Variants in PTPN14 observed in about 807,000 individuals in gnomAD.
PTPN14 encodes the protein protein tyrosine phosphatase non-receptor type 14.
PTPN14 carries 53 observed loss-of-function variants against 126.8 expected under a neutral mutation model. The observed-to-expected ratio is 0.42, with a 90% CI of 0.34 to 0.53. The LOEUF is 0.53. PTPN14 is among the 20% of genes least tolerant of loss of function. The pLI is 0.08. For missense variants in PTPN14, 1,257 were observed against 1,552.9 expected (o/e 0.81, Z 3.20); for synonymous variants, 630 against 599.3 (o/e 1.05, Z -0.75).
At chr1:214,469,289 T>C (rs1660703622) in intron 1 of PTPN14, among the ~76,000 whole-genome samples, 1 of 152,222 alleles carries the variant, frequency 6.6e-6, no homozygotes, top group African/African-American at 2.4e-5. Context: ...TTCCATCTTT[T>C]AGCCATTCAC....
At position 214,377,988 on chromosome 1, in the gene PTPN14, C is replaced by G. The variant is rs772445868; in HGVS notation, c.2659G>C (p.Asp887His). The G allele has an allele frequency of 4.3e-6, 7 of 1,613,336 alleles. No individual in the cohort carries two copies. Among genetic ancestry groups the G allele is most frequent in the East Asian group, 2.2e-5 (1 of 44,842 alleles). The change falls in exon 14 of 19, where the codon GAT becomes CAT. Residue 887 changes from aspartate to histidine, a missense_variant. By Grantham distance (81) the Asp-to-His change is moderately conservative. Around this residue, in one of 3 missense-constraint regions of PTPN14, gnomAD observed 1,021 missense variants for 1,183.3 expected, o/e 0.86. Coordinates refer to ENST00000366956, the MANE Select transcript of PTPN14 (RefSeq NM_005401.5). ...TCGTCCATGGGAACCCGGGTGGCAT[C>G]AACTCGATTCTCTTCCCGCCCTGAG... Reference protein sequence around the residue: ...RVSGREENRVDATRVPMDERF... With the variant: ...RVSGREENRVHATRVPMDERF...
intron 12 of PTPN14, among the ~76,000 whole-genome samples, chr1:214,385,383 C>T (rs1658584370): frequency 1.3e-5 from 2 of 152,070 alleles, no homozygotes; most frequent in African/African-American, 4.8e-5. Flanking sequence ...TTGGTAATTC[C>T]CCAAATCCCC....
intron 1 of PTPN14, among the ~76,000 whole-genome samples, chr1:214,500,763 A>G (rs1190619932): frequency 6.6e-6 from 1 of 152,152 alleles, no homozygotes; most frequent in African/African-American, 2.4e-5. Context: ...AAAAAAAATT[A>G]TTGAAAGAAA....
intron 11 of PTPN14, among the ~76,000 whole-genome samples, chr1:214,387,574 G>C (rs1187896149): frequency 6.6e-6 from 1 of 151,692 alleles, no homozygotes; most frequent in Non-Finnish European, 1.5e-5. Context: ...AGCTACTTGG[G>C]AGGCTGAGGC....
intron 10 of PTPN14, 71 bp from the exon 11 acceptor site, chr1:214,391,116 G>T: frequency 8.3e-7 from 1 of 1,206,310 alleles, no homozygotes; most frequent in Non-Finnish European, 1.1e-6. Context: ...GACAAGGGAA[G>T]GAGAGGAAGA....
At chr1:214,376,532 A>G (rs1045184804) in intron 14 of PTPN14, 95 bp from the exon 15 acceptor site, 1 of 1,074,666 alleles carries the variant, frequency 9.3e-7, no homozygotes, top group African/African-American at 1.6e-5. Flanking sequence ...GATTGTGTTA[A>G]AAGAGATTTC....
Position 214,402,903 on chromosome 1 carries a change from G to C in PTPN14, c.561C>G (p.Ala187=), listed in dbSNP as rs761526995. ...AVLEELTQKV[A]QEHKAHSGIL... ...CTTACCTGTGGGCTTTGTGTTCTTG[G>C]GCTACCTTCTGGGTCAGCTCCTCCA... The change falls in exon 6 of 19, where the codon GCC becomes GCG. Residue 187 remains alanine (A), a synonymous_variant. Transcript: ENST00000366956. 1 of 1,613,822 alleles carries C rather than the reference G, an allele frequency of 6.2e-7. No homozygotes were observed. The highest frequency in any genetic ancestry group is 1.7e-5 in the Admixed American group (1 of 59,974).
chr1:214,412,865 T>A (rs535458326), intron 4 of PTPN14, among the ~76,000 whole-genome samples: 1 of 152,156 alleles, frequency 6.6e-6, no homozygotes, highest in East Asian at 1.9e-4. Context: ...ACAAAGCTTT[T>A]TATTTATTTA....
At position 214,402,669 on chromosome 1, in the gene PTPN14, GGA is replaced by G. The variant is rs1340567172; in HGVS notation, c.581+212_581+213del. 1.7e-4 allele frequency among the ~76,000 whole-genome samples: 24 copies of G among 140,488 alleles called. 2 individuals are homozygous for G. The highest frequency in any genetic ancestry group is 3.5e-3 in the Middle Eastern group (1 of 284). 92.2% of individuals were successfully genotyped at this position (140,488 alleles called of 152,430 possible). ...AGGAAGGAAGGAAGGAAGGAAGGAAGGAAGGAAGGGAGGGAGGGAAGGAAGGA... is the reference window on the plus strand; with the variant it reads ...AGGAAGGAAGGAAGGAAGGAAGGAAGAGGAAGGGAGGGAGGGAAGGAAGGA... On this transcript the variant is annotated intron_variant, in intron 6 of 18. Coordinates refer to ENST00000366956, the MANE Select transcript of PTPN14 (RefSeq NM_005401.5).
At chr1:214,436,448 G>A (rs556118901) in intron 3 of PTPN14, among the ~76,000 whole-genome samples, 1 of 152,302 alleles carries the variant, frequency 6.6e-6, no homozygotes, top group South Asian at 2.1e-4. Context: ...CCAACTTGTG[G>A]TGGATAAAAT....
At chr1:214,504,684 G>A (rs1481131853) in intron 1 of PTPN14, among the ~76,000 whole-genome samples, 1 of 152,164 alleles carries the variant, frequency 6.6e-6, no homozygotes, top group African/African-American at 2.4e-5. Flanking sequence ...AGGCCCTGGG[G>A]AAATGATGGT....
chr1:214,432,672 A>C (rs1439489670), intron 3 of PTPN14, among the ~76,000 whole-genome samples: 1 of 152,240 alleles, frequency 6.6e-6, no homozygotes, highest in Non-Finnish European at 1.5e-5. Flanking sequence ...GATGACTCAC[A>C]AAATGTTGAT....
At chr1:214,393,597 A>C in intron 10 of PTPN14, 98 bp downstream of exon 10, 1 of 1,003,396 alleles carries the variant, frequency 1.0e-6, no homozygotes, top group Non-Finnish European at 1.5e-6. Context: ...GGAACAAGGA[A>C]AAAGAGTGAA....
rs779619035 is a variant in PTPN14 at position 214,509,396 on chromosome 1, C to A, written c.-155+41787G>T. Among the ~76,000 whole-genome samples, 9 of 152,328 alleles carry A rather than the reference C, an allele frequency of 5.9e-5. 1 individual carries two copies. In the South Asian group the frequency reaches 6.2e-4, roughly 11 times the overall value. ...TCTGCTAGCTCCAGCTTTTCTTCTG[C>A]AGCTTCCTCACCTCTCTCAGTCTTC... On this transcript the variant is annotated intron_variant, in intron 1 of 18. Transcript: ENST00000366956.
At chr1:214,433,379 G>T (rs1360591268) in intron 3 of PTPN14, among the ~76,000 whole-genome samples, 2 of 151,920 alleles carry the variant, frequency 1.3e-5, no homozygotes, top group Admixed American at 1.3e-4. Context: ...GGAAGTGGGG[G>T]GCTCTGGTGA....
Position 214,464,733 on chromosome 1 carries a change from C to T in PTPN14, c.71G>A (p.Arg24Gln), listed in dbSNP as rs201332095. 9.9e-6 allele frequency: 16 copies of T among 1,614,160 alleles called. No homozygotes were observed. The highest frequency in any genetic ancestry group is 3.3e-4 in the Middle Eastern group (2 of 6,084). The stretch of plus-strand genomic sequence containing the variant: ...AACATTGCTGTCCAGCAGGCGAATC[C>T]GTGTGACAAAGCAGTTCTTGCTCAG... The part of the protein sequence containing the change: ...NVLSKNCFVT[R>Q]IRLLDSNVIE... Residue 24 changes from arginine (R) to glutamine (Q), a missense_variant, in exon 2 of 19, where the codon CGG (arginine) becomes CAG (glutamine). By Grantham distance (43) the Arg-to-Gln change is conservative. This residue lies in a region of PTPN14 where 1,021 missense variants were observed against 1,183.3 expected (regional missense o/e 0.86). Coordinates refer to ENST00000366956, the MANE Select transcript of PTPN14 (RefSeq NM_005401.5).
At chr1:214,547,038 C>A (rs914189056) in intron 1 of PTPN14, among the ~76,000 whole-genome samples, 2 of 152,140 alleles carry the variant, frequency 1.3e-5, no homozygotes, top group South Asian at 4.2e-4. Flanking sequence ...ACCCTTATCA[C>A]ACAAAAAGGC....
In PTPN14 at chr1:214,434,515, G is replaced by GA. The variant is rs370142745; in HGVS notation, c.344+17289dup. On this transcript the variant is annotated intron_variant, in intron 3 of 18. Coordinates refer to ENST00000366956, the MANE Select transcript of PTPN14 (RefSeq NM_005401.5). The stretch of plus-strand genomic sequence containing the variant: ...TAAGTTAACAGAAAGTGAATCAAAA[G>GA]AAAAAAAAAAGAAAAGGCATCCAAT... 4.4e-3 allele frequency among the ~76,000 whole-genome samples: 627 copies of GA among 142,160 alleles called. 12 individuals carry two copies. The East Asian group carries it at 0.048, about 11-fold the overall frequency. 93.3% of individuals were successfully genotyped at this position (142,160 alleles called of 152,430 possible). A position where few individuals can be genotyped will look rare whatever the true frequency, so the allele number is the denominator to read the frequency against.
rs1372845805 is a variant in PTPN14 at position 214,364,475 on chromosome 1, A to T, written c.3435+37T>A. The T allele has an allele frequency of 3.1e-6, 5 of 1,603,596 alleles. No individual in the cohort carries two copies. The highest frequency in any genetic ancestry group is 1.7e-4 in the Middle Eastern group (1 of 6,006). ...TGGCCAGGGTGTAGACTTGTCCCCA[A>T]GGTGGAGTATCCGGAGAGAAGCCCA... is the stretch of plus-strand genomic sequence containing the variant. On this transcript the variant is annotated intron_variant, in intron 18 of 18. Transcript: ENST00000366956. This position sits in a 1 kb window ranked among gnomAD's most constrained non-coding sequence, Gnocchi z 4.1.
Sources: allele counts gnomAD v4.1 joint callset (sites outside exome capture counted in the v4.1 genomes callset), GRCh38; gene constraint gnomAD v4.1.1; regional missense constraint gnomAD v4.1.1; non-coding constraint Gnocchi (gnomAD v3.1); transcripts MANE v1.5; gene names NCBI Gene and HGNC (gene_info 2026-07-23, HGNC 2026-07-21).